The following ARHGAP44 variants were observed in gnomAD, a reference collection of about 807,000 sequenced individuals.
ARHGAP44 encodes the protein Rho GTPase activating protein 44, also known as rho GTPase-activating protein 44.
ARHGAP44 carries 43 observed loss-of-function variants against 106.8 expected under a neutral mutation model. The ratio of observed to expected loss-of-function variants is 0.40; its 90% CI spans 0.32 to 0.52. ARHGAP44 has a LOEUF of 0.52. Among genes scored for constraint, ARHGAP44 ranks in the 20% least tolerant of loss-of-function variants. ARHGAP44 has a pLI of 0.48. For synonymous variants in ARHGAP44, 439 were observed against 410.3 expected, an observed-to-expected ratio of 1.07 and a Z score of -0.85; for missense variants, 866 against 1,050.5, an observed-to-expected ratio of 0.82 and a Z score of 2.43.
In ARHGAP44 at chr17:12,841,776, G is replaced by A. The variant is rs182937176; in HGVS notation, c.53+51885G>A. 1.2e-4 allele frequency among the ~76,000 whole-genome samples: 19 copies of A among 152,166 alleles called. No individual in the cohort carries two copies. The East Asian group carries it at 3.5e-3, about 28-fold the overall frequency. ...GCTACAATTTCTTCATTGTTAAAAT[G>A]GAGATAATTGAGGCAGATTCATTTG... On this transcript the variant is annotated intron_variant, in intron 1 of 20. Transcript: ENST00000379672.
At chr17:12,937,536 T>A (rs2038583895) in intron 7 of ARHGAP44, among the ~76,000 whole-genome samples, 1 of 152,186 alleles carries the variant, frequency 6.6e-6, no homozygotes, top group Non-Finnish European at 1.5e-5. Context: ...TTCAGTGAGT[T>A]ATAATTCTTG....
At chr17:12,976,676 T>G (rs3785713) in intron 18 of ARHGAP44, among the ~76,000 whole-genome samples, 1 of 150,474 alleles carries the variant, frequency 6.6e-6, no homozygotes, top group Admixed American at 6.6e-5. Context: ...GGACAGGGGG[T>G]TAGATAGTCT....
At chr17:12,948,192 T>G (rs543712502) in intron 10 of ARHGAP44, among the ~76,000 whole-genome samples, 7 of 152,222 alleles carry the variant, frequency 4.6e-5, no homozygotes, top group Non-Finnish European at 1.0e-4. Context: ...CACACAGCCC[T>G]CTCCTCTTCT....
chr17:12,985,179 G>A, intron 20 of ARHGAP44: 1 of 415,022 alleles, frequency 2.4e-6, no homozygotes, highest in Non-Finnish European at 4.3e-6. Context: ...TTATTATCGG[G>A]GGTTGAAGAC....
At chr17:12,792,266 A>G (rs1471829657) in intron 1 of ARHGAP44, among the ~76,000 whole-genome samples, 3 of 151,820 alleles carry the variant, frequency 2.0e-5, no homozygotes, top group East Asian at 1.9e-4. Flanking sequence ...TTCCTCCCCT[A>G]TTTACCTCCA....
intron 16 of ARHGAP44, among the ~76,000 whole-genome samples, chr17:12,971,169 G>A (rs953675771): frequency 6.6e-6 from 1 of 152,116 alleles, no homozygotes; most frequent in Admixed American, 6.5e-5. Context: ...CTCAGTTGCC[G>A]AAGTTTGCCA....
At chr17:12,906,979 G>A (rs1053842694) in intron 3 of ARHGAP44, among the ~76,000 whole-genome samples, 2 of 151,884 alleles carry the variant, frequency 1.3e-5, no homozygotes, top group Non-Finnish European at 2.9e-5. Context: ...CAGAAAAAAA[G>A]GAAAGAAGAA....
chr17:12,888,316 T>A (rs944481919), intron 1 of ARHGAP44, among the ~76,000 whole-genome samples: 1 of 152,216 alleles, frequency 6.6e-6, no homozygotes, highest in Non-Finnish European at 1.5e-5. Context: ...TTCATTCAGT[T>A]TAATTTTTAA....
At chr17:12,868,300 C>A (rs992147219) in intron 1 of ARHGAP44, among the ~76,000 whole-genome samples, 3 of 152,036 alleles carry the variant, frequency 2.0e-5, no homozygotes, top group African/African-American at 7.3e-5. Flanking sequence ...TAGGGCTTAC[C>A]CTAATGACTG....
At chr17:12,793,122 G>A (rs2033814828) in intron 1 of ARHGAP44, among the ~76,000 whole-genome samples, 1 of 152,156 alleles carries the variant, frequency 6.6e-6, no homozygotes, top group Non-Finnish European at 1.5e-5. Flanking sequence ...TTAATTCTCT[G>A]CACATTAATT....
intron 18 of ARHGAP44, among the ~76,000 whole-genome samples, chr17:12,975,747 C>G (rs561866584): frequency 3.7e-5 from 5 of 133,538 alleles, no homozygotes; most frequent in African/African-American, 1.4e-4. Flanking sequence ...GCAGTGAGCC[C>G]GGATCGCGCC....
chr17:12,810,294 G>A (rs2034398927), intron 1 of ARHGAP44, among the ~76,000 whole-genome samples: 1 of 152,192 alleles, frequency 6.6e-6, no homozygotes, highest in African/African-American at 2.4e-5. Flanking sequence ...AAATCAAGGT[G>A]TCACCAAGGC....
chr17:12,923,702 C>T (rs1289031918), intron 6 of ARHGAP44, among the ~76,000 whole-genome samples: 3 of 152,142 alleles, frequency 2.0e-5, no homozygotes, highest in South Asian at 2.1e-4. Flanking sequence ...TCTTTGTTTC[C>T]GCTTTACTCT....
chr17:12,916,037 C>G (rs756825575), intron 5 of ARHGAP44, 26 bp downstream of exon 5: 1 of 1,592,662 alleles, frequency 6.3e-7, no homozygotes, highest in Non-Finnish European at 8.6e-7. Flanking sequence ...GAGGCCAGGC[C>G]TGAAAGAGCA....
At chr17:12,912,529 C>A (rs1256465178) in intron 4 of ARHGAP44, among the ~76,000 whole-genome samples, 2 of 152,132 alleles carry the variant, frequency 1.3e-5, no homozygotes, top group African/African-American at 4.8e-5. Flanking sequence ...AATAATCCAA[C>A]AGCATATTCC....
intron 3 of ARHGAP44, among the ~76,000 whole-genome samples, chr17:12,902,752 C>T (rs561702755): frequency 2.0e-5 from 3 of 152,294 alleles, no homozygotes; most frequent in African/African-American, 7.2e-5. Flanking sequence ...TGAGCTTGGG[C>T]AAGTTAATTA....
At chr17:12,981,126 CTGCTA>C (rs1187994217) in intron 19 of ARHGAP44, 19 of 152,160 alleles carry the variant, frequency 1.2e-4, no homozygotes, top group Admixed American at 1.2e-3. Flanking sequence ...TTATTAAATC[CTGCTA>C]TGTACAGAGC....
chr17:12,973,398 CAGAGGGTGA>C (rs912696515), intron 17 of ARHGAP44, 79 bp downstream of exon 17: 5 of 1,478,452 alleles, frequency 3.4e-6, no homozygotes, highest in African/African-American at 1.4e-5. Flanking sequence ...TGAGTTCCAC[CAGAGGGTGA>C]ATGCGCCGCG....
intron 1 of ARHGAP44, among the ~76,000 whole-genome samples, chr17:12,824,055 TTTC>T (rs2034849182): frequency 1.3e-5 from 2 of 152,062 alleles, no homozygotes; most frequent in African/African-American, 4.8e-5. Context: ...TTCTTCTGGG[TTTC>T]TTCTTGTTTC....
Sources: gnomAD v4.1 joint callset for allele counts (sites outside exome capture counted in the v4.1 genomes callset) on GRCh38, gnomAD v4.1.1 for gene constraint, MANE v1.5 for transcripts, NCBI Gene and HGNC (gene_info 2026-07-23, HGNC 2026-07-21) for gene names.